The following GLP2R variants were observed in gnomAD, a reference collection of about 807,000 sequenced individuals.
GLP2R encodes glucagon-like peptide 2 receptor.
A neutral mutation model predicts 68.2 loss-of-function variants in GLP2R; 59 were observed. The ratio of observed to expected loss-of-function variants is 0.87; its 90% CI spans 0.70 to 1.07. The LOEUF (loss-of-function observed/expected upper bound fraction) is 1.07. GLP2R is among the 50% of genes least tolerant of loss of function. The pLI, the probability that GLP2R is intolerant of heterozygous loss-of-function variation, is 0.00. For missense variants in GLP2R, 548 were observed against 677.4 expected, an observed-to-expected ratio of 0.81 and a Z score of 2.12; for synonymous variants, 270 against 265.4, an observed-to-expected ratio of 1.02 and a Z score of -0.17.
In GLP2R at chr17:9,826,077, C is replaced by T; in HGVS notation, c.14C>T (p.Ser5Leu). Residue 5 changes from serine (S) to leucine (L), a missense_variant, in exon 1 of 13, where the codon TCG becomes TTG. By Grantham distance (145) the Ser-to-Leu change is moderately radical. Coordinates refer to ENST00000262441, the MANE Select transcript of GLP2R (RefSeq NM_004246.3). ...TGCACGAGGAAGATGAAGCTGGGAT[C>T]GAGCAGGGCAGGGCCTGGGAGAGGA... MKLG[S>L]SRAGPGRGSA... is the part of the protein sequence containing the mutation. The T allele has an allele frequency of 1.9e-6, 3 of 1,611,380 alleles. No homozygotes were observed. The highest frequency in any genetic ancestry group is 1.1e-5 in the South Asian group (1 of 90,486).
intron 1 of GLP2R, among the ~76,000 whole-genome samples, chr17:9,827,874 A>G (rs1378742142): frequency 6.7e-6 from 1 of 148,342 alleles, no homozygotes; most frequent in Non-Finnish European, 1.5e-5. Context: ...AGGCAGGAGA[A>G]TTGCTTGAAC....
At position 9,842,558 on chromosome 17, in the gene GLP2R, C is replaced by T. The variant is rs745923964; in HGVS notation, c.446C>T (p.Ala149Val). The T allele has an allele frequency of 4.3e-6, 7 of 1,613,890 alleles. No homozygotes were observed. The highest frequency in any genetic ancestry group is 5.1e-6 in the Non-Finnish European group (6 of 1,179,972). ...GGGACTTGGCAGACGATAGAGAACG[C>T]CACGGATATTTGGCAGGATGACTCC... ...AQGTWQTIENATDIWQDDSEC... is the reference protein window; with the variant it reads ...AQGTWQTIENVTDIWQDDSEC... The change falls in exon 4 of 13, where the codon GCC becomes GTC. Residue 149 changes from alanine (A) to valine (V), a missense_variant. Coordinates refer to ENST00000262441, the MANE Select transcript of GLP2R (RefSeq NM_004246.3).
In GLP2R at chr17:9,891,586, C is replaced by A. The variant is rs1204510346; in HGVS notation, c.*1881C>A. Reference sequence around the variant, plus strand: ...ATGTTATTTATATTGACTATGGGGACTTTTGGGGCCCCCTTAAATTTTGCA... The same window carrying A: ...ATGTTATTTATATTGACTATGGGGAATTTTGGGGCCCCCTTAAATTTTGCA... On this transcript the variant is annotated 3_prime_UTR_variant, in exon 13 of 13. Coordinates refer to ENST00000262441, the MANE Select transcript of GLP2R (RefSeq NM_004246.3). 1.3e-5 allele frequency: 2 copies of A among 152,140 alleles called. No individual in the cohort carries two copies. The highest frequency in any genetic ancestry group is 6.5e-5 in the Admixed American group (1 of 15,274). 9.4% of individuals were successfully genotyped at this position (152,140 alleles called of 1,614,324 possible).
chr17:9,838,878 C>T (rs1457239364), intron 3 of GLP2R, among the ~76,000 whole-genome samples: 1 of 152,214 alleles, frequency 6.6e-6, no homozygotes, highest in Non-Finnish European at 1.5e-5. Flanking sequence ...GAAGAGGGAG[C>T]GCCTGGCGCC....
chr17:9,857,278 G>T, intron 5 of GLP2R, 145 bp from the exon 6 acceptor site: 1 of 687,764 alleles, frequency 1.5e-6, no homozygotes. Flanking sequence ...AGAGATTTAC[G>T]GTCACATAAT....
chr17:9,847,129 A>C (rs1240325361), intron 4 of GLP2R, among the ~76,000 whole-genome samples: 1 of 152,246 alleles, frequency 6.6e-6, no homozygotes, highest in Non-Finnish European at 1.5e-5. Flanking sequence ...GTTTCTCCTC[A>C]TGCAGATACA....
At chr17:9,849,961 T>C (rs2066877045) in intron 4 of GLP2R, among the ~76,000 whole-genome samples, 1 of 152,142 alleles carries the variant, frequency 6.6e-6, no homozygotes, top group Non-Finnish European at 1.5e-5. Context: ...TAATCTCAGA[T>C]GTTTATGTTG....
chr17:9,846,342 G>T (rs1264304868), intron 4 of GLP2R, among the ~76,000 whole-genome samples: 1 of 152,194 alleles, frequency 6.6e-6, no homozygotes, highest in Admixed American at 6.5e-5. Context: ...GAGGCCAGCT[G>T]CAGTAGCTCA....
intron 7 of GLP2R, 135 bp from the exon 8 acceptor site, chr17:9,861,004 C>T: frequency 1.5e-6 from 1 of 688,636 alleles, no homozygotes; most frequent in Non-Finnish European, 2.7e-6. Flanking sequence ...GTCTCTCCAG[C>T]TCTCACAGTC....
intron 3 of GLP2R, 111 bp from the exon 4 acceptor site, chr17:9,842,384 A>G (rs900174561): frequency 2.2e-6 from 3 of 1,359,740 alleles, no homozygotes; most frequent in Non-Finnish European, 2.0e-6. Flanking sequence ...TGAGCCCCCA[A>G]AAGGGGAAAT....
chr17:9,832,323 C>G (rs1342134129), intron 1 of GLP2R, among the ~76,000 whole-genome samples: 1 of 152,094 alleles, frequency 6.6e-6, no homozygotes, highest in African/African-American at 2.4e-5. Context: ...GCCTGTAATC[C>G]TAGCACTTTG....
chr17:9,861,893 C>A, intron 8 of GLP2R, 128 bp from the exon 9 acceptor site: 1 of 734,864 alleles, frequency 1.4e-6, no homozygotes, highest in Non-Finnish European at 2.5e-6. Context: ...TCCCACCCCT[C>A]AGGGGACTGA....
chr17:9,849,905 G>A (rs753784587), intron 4 of GLP2R, among the ~76,000 whole-genome samples: 2 of 152,030 alleles, frequency 1.3e-5, no homozygotes, highest in African/African-American at 2.4e-5. Context: ...GAGCCACTGC[G>A]CCCAGCCTAT....
At position 9,826,004 on chromosome 17, in the gene GLP2R, T is replaced by G. The variant is rs2066622629; in HGVS notation, c.-60T>G. 3 of 1,376,840 alleles carry G rather than the reference T, an allele frequency of 2.2e-6. No individual in the cohort carries two copies. Among genetic ancestry groups the G allele is most frequent in the Non-Finnish European group, 2.0e-6 (2 of 995,434 alleles). The allele number at this position is 1,376,840 out of a possible 1,614,324, so 85.3% of individuals were successfully genotyped here. A position where few individuals can be genotyped will look rare whatever the true frequency, so the allele number is the denominator to read the frequency against. On this transcript the variant is annotated 5_prime_UTR_variant, in exon 1 of 13. Transcript: ENST00000262441. ...AAGAGGAATGCAAGAGGAGGCTGCC[T>G]GCGGTGCATCTTGGACGGCTAGAGA...
At chr17:9,883,046 T>C (rs557999385) in intron 11 of GLP2R, among the ~76,000 whole-genome samples, 1 of 150,478 alleles carries the variant, frequency 6.6e-6, no homozygotes, top group South Asian at 2.1e-4. Flanking sequence ...AGGGGATGTC[T>C]AGATGTTGGA....
chr17:9,874,642 GGCTGACTGACCCCA>G (rs1284579456), intron 10 of GLP2R, among the ~76,000 whole-genome samples: 2 of 152,192 alleles, frequency 1.3e-5, no homozygotes, highest in Non-Finnish European at 2.9e-5. Flanking sequence ...GACTTTGGGA[GGCTGACTGACCCCA>G]GCTGAGCTCA....
At chr17:9,846,464 A>G (rs988708050) in intron 4 of GLP2R, among the ~76,000 whole-genome samples, 8 of 152,118 alleles carry the variant, frequency 5.3e-5, no homozygotes, top group Non-Finnish European at 1.2e-4. Flanking sequence ...AAATCAATAC[A>G]AAAATTAGCT....
intron 1 of GLP2R, among the ~76,000 whole-genome samples, chr17:9,832,379 G>T (rs975274853): frequency 1.3e-5 from 2 of 152,030 alleles, no homozygotes; most frequent in Non-Finnish European, 2.9e-5. Context: ...TCGAGACCAA[G>T]CTGATCAACG....
chr17:9,858,429 A>C (rs1403650674), intron 6 of GLP2R, among the ~76,000 whole-genome samples: 2 of 152,216 alleles, frequency 1.3e-5, no homozygotes, highest in Non-Finnish European at 2.9e-5. Context: ...CCTTGTTGCC[A>C]TTCATGAGAA....
Sources: allele counts gnomAD v4.1 joint callset (sites outside exome capture counted in the v4.1 genomes callset), GRCh38; gene constraint gnomAD v4.1.1; transcripts MANE v1.5; gene names NCBI Gene and HGNC (gene_info 2026-07-23, HGNC 2026-07-21).